Variants in ITPR2 observed in about 807,000 individuals in gnomAD.
The protein encoded by ITPR2 is inositol 1,4,5-trisphosphate-gated calcium channel ITPR2.
In ITPR2, 207 loss-of-function variants were observed where a neutral mutation model predicts 317.1. That is an observed-to-expected ratio of 0.65 (90% confidence interval 0.58 to 0.73). The LOEUF (loss-of-function observed/expected upper bound fraction) is 0.73. Among genes scored for constraint, ITPR2 ranks in the 30% least tolerant of loss-of-function variants. The pLI is 0.00. For synonymous variants in ITPR2, 1,156 were observed against 1,149.1 expected (o/e 1.01, Z -0.12); for missense variants, 2,613 against 3,284.0 (o/e 0.80, Z 4.99).
intron 37 of ITPR2, among the ~76,000 whole-genome samples, chr12:26,525,599 A>G (rs186750039): frequency 3.7e-4 from 56 of 152,248 alleles, no homozygotes; most frequent in African/African-American, 1.3e-3. Flanking sequence ...TTATTCTCCA[A>G]ATTCATATAT....
rs1942537293 is a variant in ITPR2, at chr12:26,481,143, C to T, written c.6111G>A (p.Val2037=). The T allele has an allele frequency of 1.2e-6, 2 of 1,605,348 alleles. No homozygotes were observed. Among genetic ancestry groups the T allele is most frequent in the Non-Finnish European group, 1.7e-6 (2 of 1,172,086 alleles). Residue 2037 remains valine (V), a synonymous_variant, in exon 43 of 57, where the codon GTG becomes GTA. Transcript: ENST00000381340. The part of the protein sequence containing the change: ...NPLGKYRMDL[V]LQLKNNASKL... ...GGAATCGCTCTACCTTTAGCTGGAG[C>T]ACCAGGTCCATTCGGTATTTACCAA...
At chr12:26,495,317 G>A in intron 37 of ITPR2, 57 bp from the exon 38 acceptor site, 1 of 958,268 alleles carries the variant, frequency 1.0e-6, no homozygotes, top group Non-Finnish European at 1.6e-6. Flanking sequence ...AGTGAAAAAT[G>A]TCAGTATGTT....
At chr12:26,464,252 A>G (rs980375136) in intron 45 of ITPR2, among the ~76,000 whole-genome samples, 4 of 152,164 alleles carry the variant, frequency 2.6e-5, no homozygotes, top group Non-Finnish European at 5.9e-5. Context: ...CGTACTCACC[A>G]TAATATAGAA....
chr12:26,536,654 G>GCCTGAGTTAGCAATCATGGAGTA (rs1944100859), intron 37 of ITPR2, among the ~76,000 whole-genome samples: 2 of 152,242 alleles, frequency 1.3e-5, no homozygotes, highest in African/African-American at 2.4e-5. Flanking sequence ...AGCAAGAACT[G>GCCTGAGTTAGCAATCATGGAGTA]GGTGGTGGAC....
chr12:26,567,958 ATATATATATATTATATATAT>A (rs1945023727), intron 34 of ITPR2, among the ~76,000 whole-genome samples: 1 of 25,686 alleles, frequency 3.9e-5, no homozygotes, highest in South Asian at 1.3e-3. Context: ...TATTATATAT[ATATATATATATTATATATAT>A]TATATATATA....
intron 37 of ITPR2, among the ~76,000 whole-genome samples, chr12:26,511,343 T>G (rs1432769470): frequency 2.0e-5 from 3 of 152,240 alleles, no homozygotes; most frequent in African/African-American, 7.2e-5. Context: ...TAGCCCAGTT[T>G]GTGCCCTCTG....
intron 2 of ITPR2, among the ~76,000 whole-genome samples, chr12:26,788,154 T>C (rs1192668473): frequency 6.6e-6 from 1 of 152,274 alleles, no homozygotes; most frequent in East Asian, 1.9e-4. Context: ...ACTCCCGACC[T>C]CAGGTGATCC....
chr12:26,528,872 T>C (rs558775992), intron 37 of ITPR2, among the ~76,000 whole-genome samples: 2 of 152,198 alleles, frequency 1.3e-5, no homozygotes, highest in Non-Finnish European at 2.9e-5. Flanking sequence ...ATCTTCCCCT[T>C]TACAACAAAT....
At chr12:26,362,000 C>T (rs1380144498) in intron 55 of ITPR2, among the ~76,000 whole-genome samples, 1 of 152,226 alleles carries the variant, frequency 6.6e-6, no homozygotes, top group Non-Finnish European at 1.5e-5. Flanking sequence ...CTCTAATTCA[C>T]AATAACACCA....
At chr12:26,772,580 T>TAATACATGTATTATATATATAA (rs1555189298) in intron 2 of ITPR2, among the ~76,000 whole-genome samples, 2 of 98,920 alleles carry the variant, frequency 2.0e-5, no homozygotes, top group African/African-American at 2.9e-5. Context: ...TATATGTATC[T>TAATACATGTATTATATATATAA]TATCTTCTTC....
intron 34 of ITPR2, among the ~76,000 whole-genome samples, chr12:26,565,493 G>C (rs1944928879): frequency 1.1e-5 from 1 of 89,260 alleles, no homozygotes; most frequent in South Asian, 3.6e-4. Flanking sequence ...ATGATAGATA[G>C]ATAGATAGAT....
At chr12:26,772,831 C>T (rs138566044) in intron 2 of ITPR2, among the ~76,000 whole-genome samples, 251 of 151,332 alleles carry the variant, frequency 1.7e-3, no homozygotes, top group African/African-American at 2.3e-3. Context: ...TGGTTTGCTG[C>T]GCCTATTGAC....
At chr12:26,627,431 A>C (rs1193919950) in intron 23 of ITPR2, 1 of 152,172 alleles carries the variant, frequency 6.6e-6, no homozygotes, top group Non-Finnish European at 1.5e-5. Context: ...AACCTTTCTG[A>C]CCTTGGTTTT....
intron 32 of ITPR2, among the ~76,000 whole-genome samples, chr12:26,595,052 T>C (rs1945807855): frequency 6.6e-6 from 1 of 152,218 alleles, no homozygotes; most frequent in African/African-American, 2.4e-5. Context: ...AGTCGGCTGG[T>C]CAAGTACCTA....
intron 33 of ITPR2, among the ~76,000 whole-genome samples, chr12:26,579,663 G>A (rs1158269055): frequency 6.6e-6 from 1 of 151,984 alleles, no homozygotes; most frequent in Non-Finnish European, 1.5e-5. Context: ...ATTTGAATTA[G>A]AAGTTTTAGT....
intron 27 of ITPR2, 60 bp from the exon 28 acceptor site, chr12:26,602,555 T>C: frequency 3.8e-6 from 6 of 1,565,218 alleles, no homozygotes; most frequent in South Asian, 3.4e-5. Context: ...GTATAATATA[T>C]AAGCAAAACT....
At chr12:26,341,680 A>C (rs1471168611) in intron 55 of ITPR2, among the ~76,000 whole-genome samples, 1 of 152,278 alleles carries the variant, frequency 6.6e-6, no homozygotes, top group African/African-American at 2.4e-5. Flanking sequence ...TCTAAAGTGC[A>C]GAGTGACAGA....
chr12:26,682,820 C>A, intron 11 of ITPR2, 147 bp from the exon 12 acceptor site: 1 of 592,226 alleles, frequency 1.7e-6, no homozygotes, highest in Non-Finnish European at 2.9e-6. Flanking sequence ...AGGGGAAATT[C>A]GGAATTATAG....
chr12:26,390,794 A>C (rs138782830), intron 54 of ITPR2, among the ~76,000 whole-genome samples: 1 of 152,350 alleles, frequency 6.6e-6, no homozygotes, highest in East Asian at 1.9e-4. Context: ...ACACTAAAAA[A>C]CAAAAGAGAG....
Sources: gnomAD v4.1 joint callset for allele counts (sites outside exome capture counted in the v4.1 genomes callset) on GRCh38, gnomAD v4.1.1 for gene constraint, MANE v1.5 for transcripts, NCBI Gene and HGNC (gene_info 2026-07-23, HGNC 2026-07-21) for gene names.